Variants in SPATA32 observed in about 807,000 individuals in gnomAD.
SPATA32 encodes the protein spermatogenesis associated 32.
In SPATA32, 28 loss-of-function variants were observed where a neutral mutation model predicts 35.4. The observed-to-expected ratio is 0.79, with a 90% confidence interval of 0.59 to 1.09. The LOEUF (loss-of-function observed/expected upper bound fraction) is 1.09. Ranked by LOEUF, SPATA32 falls within the 50% of genes least tolerant of loss-of-function variation. The pLI, the probability that SPATA32 is intolerant of heterozygous loss-of-function variation, is 0.00. For synonymous variants in SPATA32, 168 were observed against 196.3 expected, an observed-to-expected ratio of 0.86 and a Z score of 1.20; for missense variants, 409 against 475.9, an observed-to-expected ratio of 0.86 and a Z score of 1.31.
chr17:45,256,474 G>A lies in SPATA32; in HGVS notation c.69-59C>T. On this transcript the variant is annotated intron_variant, in intron 2 of 4. Coordinates refer to ENST00000331780, the MANE Select transcript of SPATA32 (RefSeq NM_152343.3). This position sits in a 1 kb window ranked among gnomAD's most constrained non-coding sequence, Gnocchi z 4.7. ...ATCTGTGGGGCTTCAGCGGGAAGGG[G>A]GTTTCTGGGGCCCTCAAAGCCCTCT... The A allele has an allele frequency of 2.7e-6, 4 of 1,487,908 alleles. No individual in the cohort carries two copies. The highest frequency in any genetic ancestry group is 3.8e-6 in the Non-Finnish European group (4 of 1,064,930). The allele number at this position is 1,487,908 out of a possible 1,614,324, so 92.2% of individuals were successfully genotyped here. A position where few individuals can be genotyped will look rare whatever the true frequency, so the allele number is the denominator to read the frequency against.
In SPATA32 at chr17:45,256,216, C is replaced by G. The variant is rs2043955876; in HGVS notation, c.109-143G>C. On this transcript the variant is annotated intron_variant, in intron 3 of 4. Transcript: ENST00000331780. This position sits in a 1 kb window ranked among gnomAD's most constrained non-coding sequence, Gnocchi z 4.7. ...CCCCCTAACCCCATGCCTGCCTCCT[C>G]TCAGAGACCTGCCCGGTGAGGGGGT... 1.6e-6 allele frequency: 2 copies of G among 1,228,432 alleles called. No individual in the cohort carries two copies. The highest frequency in any genetic ancestry group is 2.4e-6 in the Non-Finnish European group (2 of 847,098). The allele number at this position is 1,228,432 out of a possible 1,614,324, so 76.1% of individuals were successfully genotyped here.
intron 4 of SPATA32, chr17:45,254,879 C>A: frequency 1.7e-6 from 1 of 586,200 alleles, no homozygotes; most frequent in Non-Finnish European, 3.0e-6. Flanking sequence ...CCCCTGTGCC[C>A]ACCCTCCTTG....
In SPATA32 at chr17:45,255,584, C is replaced by T. The variant is rs544166142; in HGVS notation, c.598G>A (p.Ala200Thr). Residue 200 changes from alanine (A) to threonine (T), a missense_variant, in exon 4 of 5, where the codon GCC (alanine) becomes ACC (threonine). By Grantham distance (58) the Ala-to-Thr change is moderately conservative. Transcript: ENST00000331780. The surrounding 1 kb of genome is among the most constrained non-coding windows in gnomAD (Gnocchi z 5.4). ...SPLREAIPTN[A>T]LCSEEQLQIP... ...TGGAGCTGCTCCTCGGAGCACAGGG[C>T]GTTGGTGGGGATGGCCTCCCGGAGC... 4.9e-5 allele frequency: 79 copies of T among 1,613,942 alleles called. No homozygotes were observed. The highest frequency in any genetic ancestry group is 6.0e-5 in the Non-Finnish European group (71 of 1,179,998).
intron 1 of SPATA32, among the ~76,000 whole-genome samples, chr17:45,259,458 A>C (rs1009950920): frequency 1.3e-5 from 2 of 152,218 alleles, no homozygotes; most frequent in African/African-American, 4.8e-5. Context: ...GTTATAATAC[A>C]TTAACATATG....
At position 45,255,902 on chromosome 17, in the gene SPATA32, T is replaced by A; in HGVS notation, c.280A>T (p.Asn94Tyr). 1 of 1,614,144 alleles carries A rather than the reference T, an allele frequency of 6.2e-7. No homozygotes were observed. The highest frequency in any genetic ancestry group is 8.5e-7 in the Non-Finnish European group (1 of 1,180,008). Residue 94 changes from asparagine to tyrosine, a missense_variant, in exon 4 of 5, where the codon AAC (asparagine) becomes TAC (tyrosine). Coordinates refer to ENST00000331780, the MANE Select transcript of SPATA32 (RefSeq NM_152343.3). This position sits in a 1 kb window ranked among gnomAD's most constrained non-coding sequence, Gnocchi z 5.4. ...GGTTCTTCAAAGTCAGACTCCTCGTTCGAGTTGGCTTCCGTGTCCAGCTCA... is the reference window on the plus strand; with the variant it reads ...GGTTCTTCAAAGTCAGACTCCTCGTACGAGTTGGCTTCCGTGTCCAGCTCA... ...EAELDTEANS[N>Y]EESDFEEPMQ...
chr17:45,254,828 C>T (rs1352589653), intron 4 of SPATA32, among the ~76,000 whole-genome samples: 1 of 152,212 alleles, frequency 6.6e-6, no homozygotes, highest in African/African-American at 2.4e-5. Context: ...GGGTGGAAAG[C>T]CGCCTAATGC....
At chr17:45,259,462 A>T (rs2043985520) in intron 1 of SPATA32, among the ~76,000 whole-genome samples, 1 of 152,188 alleles carries the variant, frequency 6.6e-6, no homozygotes, top group Non-Finnish European at 1.5e-5. Context: ...TAATACATTA[A>T]CATATGAGTA....
chr17:45,258,738 G>A (rs1441384715), intron 1 of SPATA32, among the ~76,000 whole-genome samples: 1 of 152,104 alleles, frequency 6.6e-6, no homozygotes, highest in Non-Finnish European at 1.5e-5. Flanking sequence ...GAGATCAAGC[G>A]ATTCTCCTGA....
chr17:45,257,398 A>C (rs2043968402), intron 1 of SPATA32, among the ~76,000 whole-genome samples, 191 bp from the exon 2 acceptor site: 3 of 147,050 alleles, frequency 2.0e-5, no homozygotes, highest in African/African-American at 5.1e-5. Context: ...TGCTCCCTCC[A>C]CTCTCCGTCT....
intron 1 of SPATA32, among the ~76,000 whole-genome samples, chr17:45,260,309 A>G (rs962020510): frequency 6.6e-6 from 1 of 151,100 alleles, no homozygotes; most frequent in African/African-American, 2.4e-5. Flanking sequence ...TGCCTGTCTG[A>G]CCCCTGTCTC....
intron 1 of SPATA32, chr17:45,261,084 C>T (rs2044001406): frequency 6.8e-6 from 1 of 147,180 alleles, no homozygotes; most frequent in African/African-American, 2.5e-5. Context: ...AGCCACTGCA[C>T]CCGACCTCTG....
Position 45,255,831 on chromosome 17 carries a change from C to A in SPATA32, c.351G>T (p.Gly117=), listed in dbSNP as rs1174142644. 1 of 1,614,140 alleles carries A rather than the reference C, an allele frequency of 6.2e-7. No homozygotes were observed. Among genetic ancestry groups the A allele is most frequent in the South Asian group, 1.1e-5 (1 of 91,080 alleles). Reference sequence around the variant, plus strand: ...GTCTGAAGGTCTGTGGCGTGGGCAGCCCCATGTTGGAGTGGACGGACTCTA... The same window carrying A: ...GTCTGAAGGTCTGTGGCGTGGGCAGACCCATGTTGGAGTGGACGGACTCTA... ...CKIESVHSNM[G]LPTPQTFRPW... Residue 117 remains glycine, a synonymous_variant, in exon 4 of 5, where the codon GGG becomes GGT. Coordinates refer to ENST00000331780, the MANE Select transcript of SPATA32 (RefSeq NM_152343.3). The surrounding 1 kb of genome is among the most constrained non-coding windows in gnomAD (Gnocchi z 5.4).
In SPATA32 at chr17:45,255,010, C is replaced by T; in HGVS notation, c.1067+105G>A. 3.6e-6 allele frequency: 4 copies of T among 1,109,722 alleles called. No homozygotes were observed. The highest frequency in any genetic ancestry group is 5.2e-6 in the Non-Finnish European group (4 of 767,212). 68.7% of individuals were successfully genotyped at this position (1,109,722 alleles called of 1,614,324 possible). A position where few individuals can be genotyped will look rare whatever the true frequency, so the allele number is the denominator to read the frequency against. Reference sequence around the variant, plus strand: ...GTCACAGCCCACCACATCCTGCTCCCAGGCCCTCATTCCACTGTTCCCCAC... The same window carrying T: ...GTCACAGCCCACCACATCCTGCTCCTAGGCCCTCATTCCACTGTTCCCCAC... On this transcript the variant is annotated intron_variant, in intron 4 of 4. Transcript: ENST00000331780. This position sits in a 1 kb window ranked among gnomAD's most constrained non-coding sequence, Gnocchi z 5.4.
chr17:45,254,461 A>C lies in SPATA32; in HGVS notation c.1120T>G (p.Phe374Val). ...GGGATTGTGGGGGCTGACAGCTTAA[A>C]ATGGATTTTCACCAATAATGGATTC... ...KENPLLVKIH[F>V]KLSAPTIPEK Residue 374 changes from phenylalanine to valine, a missense_variant, in exon 5 of 5, where the codon TTT (phenylalanine) becomes GTT (valine). Transcript: ENST00000331780. 1 of 1,614,160 alleles carries C rather than the reference A, an allele frequency of 6.2e-7. No individual in the cohort carries two copies. Among genetic ancestry groups the C allele is most frequent in the Non-Finnish European group, 8.5e-7 (1 of 1,180,024 alleles).
In SPATA32 at chr17:45,261,900, G is replaced by A. The variant is rs541815388; in HGVS notation, c.13+104C>T. The A allele has an allele frequency of 1.3e-4, 158 of 1,202,488 alleles. No individual in the cohort carries two copies. In the African/African-American group the frequency reaches 2.3e-3, roughly 18 times the overall value. 74.5% of individuals were successfully genotyped at this position (1,202,488 alleles called of 1,614,324 possible). On this transcript the variant is annotated intron_variant, in intron 1 of 4. Transcript: ENST00000331780. ...CGGGGGTTTGGGAGCAGGGGAACGG[G>A]CCCTGGGCGGATTCCTGACCGCCCC... is the stretch of plus-strand genomic sequence containing the variant.
At chr17:45,254,583 G>C (rs1406566994) in intron 4 of SPATA32, 70 bp from the exon 5 acceptor site, 1 of 1,468,312 alleles carries the variant, frequency 6.8e-7, no homozygotes, top group African/African-American at 1.4e-5. Flanking sequence ...GAGCCCAGAG[G>C]CCCCTCTGAA....
intron 1 of SPATA32, among the ~76,000 whole-genome samples, chr17:45,260,314 T>C (rs1034173342): frequency 6.6e-6 from 1 of 152,086 alleles, no homozygotes; most frequent in African/African-American, 2.4e-5. Flanking sequence ...GTCTGACCCC[T>C]GTCTCCCTTT....
At chr17:45,254,614 G>T in intron 4 of SPATA32, 101 bp from the exon 5 acceptor site, 4 of 972,478 alleles carry the variant, frequency 4.1e-6, no homozygotes, top group East Asian at 2.4e-5. Context: ...GGGGTAAGGG[G>T]TCTTCTGCTG....
At chr17:45,257,076 G>GA in intron 2 of SPATA32, 77 bp downstream of exon 2, 2 of 1,487,918 alleles carry the variant, frequency 1.3e-6, no homozygotes, top group South Asian at 2.3e-5. Context: ...TAGGCTGGGG[G>GA]ATCCTAGGCT....
Sources: gnomAD v4.1 joint callset for allele counts (sites outside exome capture counted in the v4.1 genomes callset) on GRCh38, gnomAD v4.1.1 for gene constraint, Gnocchi (gnomAD v3.1) non-coding constraint, MANE v1.5 for transcripts, NCBI Gene and HGNC (gene_info 2026-07-23, HGNC 2026-07-21) for gene names.